The following CTNNA3 variants were observed in gnomAD, a reference collection of about 807,000 sequenced individuals.
The protein encoded by CTNNA3 is catenin alpha 3.
A neutral mutation model predicts 95.7 loss-of-function variants in CTNNA3; 76 were observed. The ratio of observed to expected loss-of-function variants is 0.79; its 90% confidence interval spans 0.66 to 0.96. CTNNA3 has a LOEUF of 0.96. Ranked by LOEUF, CTNNA3 falls within the 40% of genes least tolerant of loss-of-function variation. The pLI is 0.00. For synonymous variants in CTNNA3, 431 were observed against 374.4 expected (o/e 1.15, Z -1.74); for missense variants, 1,191 against 1,089.8 (o/e 1.09, Z -1.31).
chr10:66,982,402 GT>G, intron 7 of CTNNA3, among the ~76,000 whole-genome samples: 1 of 152,224 alleles, frequency 6.6e-6, no homozygotes, highest in Non-Finnish European at 1.5e-5. Context: ...CTAAATCTCA[GT>G]TTTTTCACCT....
At chr10:67,727,086 T>C (rs1841237123) in intron 1 of CTNNA3, among the ~76,000 whole-genome samples, 1 of 119,706 alleles carries the variant, frequency 8.4e-6, no homozygotes, top group African/African-American at 3.3e-5. Context: ...ACATATATGA[T>C]ATAATTATAT....
chr10:66,628,230 T>C (rs1214651046), intron 9 of CTNNA3, among the ~76,000 whole-genome samples: 1 of 152,204 alleles, frequency 6.6e-6, no homozygotes, highest in African/African-American at 2.4e-5. Flanking sequence ...TAAATTATTG[T>C]CTATTGTGTC....
At chr10:67,478,924 A>G (rs1848117177) in intron 5 of CTNNA3, among the ~76,000 whole-genome samples, 1 of 152,058 alleles carries the variant, frequency 6.6e-6, no homozygotes, top group Non-Finnish European at 1.5e-5. Flanking sequence ...TTGGGAAAAG[A>G]TCTATCATGT....
At chr10:67,003,048 C>A (rs1851773735) in intron 7 of CTNNA3, among the ~76,000 whole-genome samples, 1 of 152,054 alleles carries the variant, frequency 6.6e-6, no homozygotes, top group African/African-American at 2.4e-5. Flanking sequence ...TGGTTATGTT[C>A]ATAGGCCACT....
At chr10:66,291,966 TTATAA>T (rs1054265929) in intron 12 of CTNNA3, among the ~76,000 whole-genome samples, 2 of 151,316 alleles carry the variant, frequency 1.3e-5, no homozygotes, top group African/African-American at 4.8e-5. Context: ...TATCAATATA[TTATAA>T]TATACCTCAA....
intron 9 of CTNNA3, among the ~76,000 whole-genome samples, chr10:66,759,371 A>T (rs1362088626): frequency 1.3e-5 from 2 of 152,166 alleles, no homozygotes; most frequent in Non-Finnish European, 2.9e-5. Context: ...TCCTAAGAAC[A>T]CCTAGCCAGG....
intron 5 of CTNNA3, among the ~76,000 whole-genome samples, chr10:67,274,139 A>G (rs1839092260): frequency 6.6e-6 from 1 of 152,038 alleles, no homozygotes; most frequent in Admixed American, 6.6e-5. Context: ...AGAGTAAAAT[A>G]ATTAAACTGA....
intron 7 of CTNNA3, among the ~76,000 whole-genome samples, chr10:66,901,287 G>A (rs183721762): frequency 6.6e-6 from 1 of 152,296 alleles, no homozygotes; most frequent in Admixed American, 6.5e-5. Flanking sequence ...CCATTCATAA[G>A]TGAAGGGGAA....
intron 1 of CTNNA3, among the ~76,000 whole-genome samples, chr10:67,704,460 A>C (rs1471530306): frequency 1.3e-5 from 2 of 152,316 alleles, no homozygotes; most frequent in Non-Finnish European, 2.9e-5. Context: ...CAGAGCCCTC[A>C]GAAATAACGC....
rs1323405727 is a variant in CTNNA3, at chr10:66,775,472, C to T, written c.1100G>A (p.Cys367Tyr). The change falls in exon 8 of 18, where the codon TGT becomes TAT. Residue 367 changes from cysteine to tyrosine, a missense_variant. Cys to Tyr is a radical substitution (Grantham distance 194, BLOSUM62 -2). Transcript: ENST00000433211. Reference protein sequence around the residue: ...NTLNIALDNMCKKTRDLRRQL... With the variant: ...NTLNIALDNMYKKTRDLRRQL... Reference sequence around the variant, plus strand: ...TCTGCGAAGGTCTCTTGTCTTCTTACACATGTTGTCTAAAGCAATATTCAG... The same window carrying T: ...TCTGCGAAGGTCTCTTGTCTTCTTATACATGTTGTCTAAAGCAATATTCAG... 1.9e-6 allele frequency: 3 copies of T among 1,611,722 alleles called. No homozygotes were observed. In the Admixed American group the frequency reaches 5.0e-5, roughly 27 times the overall value.
At chr10:66,636,297 A>G (rs1335922020) in intron 9 of CTNNA3, among the ~76,000 whole-genome samples, 1 of 152,122 alleles carries the variant, frequency 6.6e-6, no homozygotes, top group Non-Finnish European at 1.5e-5. Flanking sequence ...AAGCTATTAC[A>G]GGTTTAATCT....
At chr10:66,373,436 G>C (rs974186853) in intron 12 of CTNNA3, among the ~76,000 whole-genome samples, 1 of 152,022 alleles carries the variant, frequency 6.6e-6, no homozygotes, top group African/African-American at 2.4e-5. Context: ...CACTCCTATG[G>C]GAACAGAAGC....
chr10:67,660,698 C>T (rs1391730344), intron 1 of CTNNA3, among the ~76,000 whole-genome samples: 1 of 151,894 alleles, frequency 6.6e-6, no homozygotes, highest in Non-Finnish European at 1.5e-5. Flanking sequence ...TTTGGGAGGC[C>T]GAGGCGGTGG....
intron 1 of CTNNA3, among the ~76,000 whole-genome samples, chr10:67,658,163 T>G (rs891387649): frequency 8.5e-5 from 13 of 152,230 alleles, no homozygotes; most frequent in African/African-American, 3.1e-4. Context: ...GAATCCAGGC[T>G]CTGTTCCCTG....
At chr10:66,264,215 C>G (rs1225103097) in intron 13 of CTNNA3, among the ~76,000 whole-genome samples, 1 of 151,930 alleles carries the variant, frequency 6.6e-6, no homozygotes, top group Non-Finnish European at 1.5e-5. Context: ...CTACCCGAAA[C>G]AGATTCCTCC....
In CTNNA3 at chr10:67,139,659, C is replaced by T. The variant is rs375998843; in HGVS notation, c.1047+40658G>A. Among the ~76,000 whole-genome samples the T allele has an allele frequency of 6.6e-5, 10 of 152,100 alleles. No individual in the cohort carries two copies. In the South Asian group the frequency reaches 1.7e-3, roughly 25 times the overall value. On this transcript the variant is annotated intron_variant, in intron 7 of 17. Coordinates refer to ENST00000433211, the MANE Select transcript of CTNNA3 (RefSeq NM_013266.4). Reference sequence around the variant, plus strand: ...AACTCCTGGCCTCAGGTGATTTGCCCGCCTCAGCCTCCCAAAGTGCTGGAA... The same window carrying T: ...AACTCCTGGCCTCAGGTGATTTGCCTGCCTCAGCCTCCCAAAGTGCTGGAA...
intron 3 of CTNNA3, among the ~76,000 whole-genome samples, chr10:67,606,381 G>A (rs1589480540): frequency 1.3e-5 from 2 of 152,176 alleles, no homozygotes; most frequent in East Asian, 1.9e-4. Context: ...CACAGTTTAT[G>A]CAAAGCATTT....
chr10:67,486,477 A>G (rs1275139051), intron 5 of CTNNA3, among the ~76,000 whole-genome samples: 1 of 151,708 alleles, frequency 6.6e-6, no homozygotes, highest in Non-Finnish European at 1.5e-5. Flanking sequence ...CTTACCTGTG[A>G]CTTTCACATC....
chr10:67,460,017 T>G (rs1173514156), intron 5 of CTNNA3, among the ~76,000 whole-genome samples: 1 of 152,148 alleles, frequency 6.6e-6, no homozygotes, highest in Non-Finnish European at 1.5e-5. Context: ...CAAATACATT[T>G]TTATAATTCC....
Sources: allele counts gnomAD v4.1 joint callset (sites outside exome capture counted in the v4.1 genomes callset), GRCh38; gene constraint gnomAD v4.1.1; transcripts MANE v1.5; gene names NCBI Gene and HGNC (gene_info 2026-07-23, HGNC 2026-07-21).